Variants in CNTNAP2 observed in about 807,000 individuals in gnomAD.
The protein encoded by CNTNAP2 is contactin-associated protein-like 2.
CNTNAP2 carries 98 observed loss-of-function variants against 155.2 expected under a neutral mutation model. The ratio of observed to expected loss-of-function variants is 0.63; its 90% confidence interval spans 0.54 to 0.75. CNTNAP2 has a LOEUF of 0.75. CNTNAP2 is among the 30% of genes least tolerant of loss of function. The pLI is 0.00. For synonymous variants in CNTNAP2, 651 were observed against 631.2 expected (o/e 1.03, Z -0.47); for missense variants, 1,727 against 1,688.1 (o/e 1.02, Z -0.40).
intron 10 of CNTNAP2, among the ~76,000 whole-genome samples, chr7:147,417,727 C>T (rs986047196): frequency 1.3e-5 from 2 of 151,916 alleles, no homozygotes; most frequent in Non-Finnish European, 2.9e-5. Flanking sequence ...ATTATTGTTC[C>T]TTAAAAGCAA....
At chr7:147,128,892 T>C in intron 7 of CNTNAP2, 56 bp downstream of exon 7, 1 of 1,606,394 alleles carries the variant, frequency 6.2e-7, no homozygotes, top group Non-Finnish European at 8.5e-7. Context: ...AACATTTTTG[T>C]TTTTTGGATT....
chr7:146,456,030 C>T (rs73462724), intron 1 of CNTNAP2, among the ~76,000 whole-genome samples: 4,175 of 152,072 alleles, frequency 0.027, 139 homozygotes, highest in African/African-American at 0.074. Flanking sequence ...ATCACTCATC[C>T]TTATACAAGT....
intron 9 of CNTNAP2, among the ~76,000 whole-genome samples, chr7:147,315,570 C>G (rs112637736): frequency 2.0e-5 from 3 of 151,434 alleles, no homozygotes; most frequent in African/African-American, 7.3e-5. Context: ...CAAGCTCCGC[C>G]TCCCGGGTTC....
At chr7:147,848,548 AC>A (rs945238133) in intron 13 of CNTNAP2, among the ~76,000 whole-genome samples, 3 of 150,658 alleles carry the variant, frequency 2.0e-5, no homozygotes, top group Non-Finnish European at 4.4e-5. Context: ...TGCAGAAATC[AC>A]CCGTCTTCTG....
chr7:146,483,324 T>TATATATACATAC (rs1563101815), intron 1 of CNTNAP2, among the ~76,000 whole-genome samples: 1 of 83,814 alleles, frequency 1.2e-5, no homozygotes, highest in East Asian at 2.8e-4. Flanking sequence ...TATATATATA[T>TATATATACATAC]ATATACATAT....
At chr7:146,940,522 G>A (rs1280851536) in intron 3 of CNTNAP2, among the ~76,000 whole-genome samples, 1 of 151,942 alleles carries the variant, frequency 6.6e-6, no homozygotes, top group Non-Finnish European at 1.5e-5. Context: ...TGTTAAAGGT[G>A]GAGTGTGGAA....
chr7:147,468,843 T>TCTTCTTC (rs71183006), intron 10 of CNTNAP2, among the ~76,000 whole-genome samples: 62 of 145,314 alleles, frequency 4.3e-4, no homozygotes, highest in African/African-American at 1.3e-3. Flanking sequence ...TTCTTCTTCT[T>TCTTCTTC]TTTTTTTTTT....
chr7:146,215,168 G>A (rs2116888359), intron 1 of CNTNAP2, among the ~76,000 whole-genome samples: 1 of 152,230 alleles, frequency 6.6e-6, no homozygotes, highest in East Asian at 1.9e-4. Context: ...TTAAAATTTT[G>A]ACAGTAAGAG....
At chr7:146,617,715 G>T (rs2129155476) in intron 1 of CNTNAP2, among the ~76,000 whole-genome samples, 1 of 152,172 alleles carries the variant, frequency 6.6e-6, no homozygotes, top group South Asian at 2.1e-4. Context: ...AAAATTTCAA[G>T]AAATGTAGAA....
intron 1 of CNTNAP2, among the ~76,000 whole-genome samples, chr7:146,218,257 C>A (rs1799147191): frequency 6.6e-6 from 1 of 152,190 alleles, no homozygotes; most frequent in Non-Finnish European, 1.5e-5. Context: ...CGCCTGTAAT[C>A]CCAGCACTTT....
At chr7:147,231,484 T>C (rs1269758367) in intron 8 of CNTNAP2, among the ~76,000 whole-genome samples, 4 of 152,196 alleles carry the variant, frequency 2.6e-5, no homozygotes, top group Non-Finnish European at 5.9e-5. Context: ...GATAGTTCTA[T>C]TTTAAGGTTT....
chr7:147,113,584 G>A (rs1800927402), intron 5 of CNTNAP2, among the ~76,000 whole-genome samples: 1 of 152,048 alleles, frequency 6.6e-6, no homozygotes, highest in Non-Finnish European at 1.5e-5. Flanking sequence ...AGTGAAGTCG[G>A]GGAAAGCCCT....
chr7:148,233,717 C>T (rs1796001291), intron 20 of CNTNAP2, among the ~76,000 whole-genome samples: 1 of 152,200 alleles, frequency 6.6e-6, no homozygotes, highest in South Asian at 2.1e-4. Context: ...TTAGTCATCA[C>T]AAAAACTTTA....
chr7:146,131,160 T>C (rs1797708035), intron 1 of CNTNAP2, among the ~76,000 whole-genome samples: 1 of 152,226 alleles, frequency 6.6e-6, no homozygotes, highest in Non-Finnish European at 1.5e-5. Flanking sequence ...AGTTATTTTT[T>C]AATGTGAATA....
chr7:147,594,442 T>C (rs966413696), intron 12 of CNTNAP2, among the ~76,000 whole-genome samples: 8 of 152,148 alleles, frequency 5.3e-5, no homozygotes, highest in Non-Finnish European at 1.0e-4. Flanking sequence ...AGTGAGCAAG[T>C]TTTTATTTAT....
At chr7:146,611,673 T>C (rs1469530757) in intron 1 of CNTNAP2, among the ~76,000 whole-genome samples, 1 of 152,166 alleles carries the variant, frequency 6.6e-6, no homozygotes, top group Non-Finnish European at 1.5e-5. Context: ...TCTATTTTGT[T>C]CTCTGTCTCT....
At chr7:147,896,112 G>T (rs189650478) in intron 13 of CNTNAP2, among the ~76,000 whole-genome samples, 1 of 152,208 alleles carries the variant, frequency 6.6e-6, no homozygotes, top group East Asian at 1.9e-4. Context: ...GGGAGAAGAA[G>T]CTGGGAAACC....
At chr7:146,301,875 T>C (rs1434207173) in intron 1 of CNTNAP2, among the ~76,000 whole-genome samples, 1 of 152,124 alleles carries the variant, frequency 6.6e-6, no homozygotes, top group African/African-American at 2.4e-5. Context: ...GGTAAACCTC[T>C]TGTCAACTAA....
intron 8 of CNTNAP2, among the ~76,000 whole-genome samples, chr7:147,188,757 T>C (rs1042392596): frequency 1.3e-5 from 2 of 152,188 alleles, no homozygotes; most frequent in African/African-American, 2.4e-5. Context: ...AAATATGCAG[T>C]AGGGTTTGCA....
Sources: gnomAD v4.1 joint callset for allele counts (sites outside exome capture counted in the v4.1 genomes callset) on GRCh38, gnomAD v4.1.1 for gene constraint, MANE v1.5 for transcripts, NCBI Gene and HGNC (gene_info 2026-07-23, HGNC 2026-07-21) for gene names.